LAMA2: variants seen among roughly 807,000 people sequenced by gnomAD.
LAMA2 encodes laminin subunit alpha 2.
In LAMA2, 269 loss-of-function variants were observed where a neutral mutation model predicts 364.8. The ratio of observed to expected loss-of-function variants is 0.74; its 90% CI spans 0.67 to 0.82. LAMA2 has a LOEUF of 0.82. LAMA2 is among the 40% of genes least tolerant of loss of function. The probability of loss-of-function intolerance (pLI) is 0.00; values close to 1 mark genes in which losing one functional copy is unlikely to be tolerated. For missense variants in LAMA2, 3,807 were observed against 3,873.2 expected (o/e 0.98, Z 0.45); for synonymous variants, 1,379 against 1,370.6 (o/e 1.01, Z -0.14).
chr6:128,896,027 A>T (rs1776749474), intron 1 of LAMA2, among the ~76,000 whole-genome samples: 1 of 152,064 alleles, frequency 6.6e-6, no homozygotes, highest in Non-Finnish European at 1.5e-5. Context: ...CCTTTGACCA[A>T]ATTTTTCACT....
At chr6:129,320,738 A>G (rs1774915049) in intron 28 of LAMA2, 83 bp downstream of exon 28, 20 of 765,036 alleles carry the variant, frequency 2.6e-5, no homozygotes, top group Non-Finnish European at 2.4e-6. Context: ...CCTTTACTGC[A>G]TACATATTCT....
intron 4 of LAMA2, among the ~76,000 whole-genome samples, chr6:129,136,064 C>T (rs1220777559): frequency 6.6e-6 from 1 of 151,688 alleles, no homozygotes; most frequent in Non-Finnish European, 1.5e-5. Flanking sequence ...GGGAAATTTG[C>T]ATTTAGTAAT....
intron 36 of LAMA2, 22 bp from the exon 37 acceptor site, chr6:129,393,023 A>G: frequency 1.2e-6 from 2 of 1,603,334 alleles, no homozygotes; most frequent in Non-Finnish European, 1.7e-6. Context: ...ATTGTCTATT[A>G]TTGGGCTGGG....
Position 129,305,747 on chromosome 6 carries a change from A to G in LAMA2, c.3174+4875A>G, listed in dbSNP as rs142278472. Among the ~76,000 whole-genome samples the G allele has an allele frequency of 2.1e-3, 322 of 151,820 alleles. 1 individual carries two copies. The highest frequency in any genetic ancestry group is 7.6e-3 in the African/African-American group (313 of 41,426). ...TTGAGGAGTTAAATCATTTCCACTTAATGTAAATATTGGTATGATTGGATT... is the reference window on the plus strand; with the variant it reads ...TTGAGGAGTTAAATCATTTCCACTTGATGTAAATATTGGTATGATTGGATT... On this transcript the variant is annotated intron_variant, in intron 22 of 64. Coordinates refer to ENST00000421865, the MANE Select transcript of LAMA2 (RefSeq NM_000426.4).
intron 62 of LAMA2, among the ~76,000 whole-genome samples, chr6:129,511,323 TCTC>T (rs1786554083): frequency 1.3e-5 from 2 of 152,080 alleles, no homozygotes; most frequent in Admixed American, 1.3e-4. Context: ...ATTCCTCTCT[TCTC>T]CTTACTTCTC....
chr6:129,443,178 C>T (rs982337381), intron 44 of LAMA2, 110 bp downstream of exon 44: 17 of 709,418 alleles, frequency 2.4e-5, no homozygotes, highest in African/African-American at 2.0e-4. Context: ...TTAAACATTG[C>T]GTAGCTATTC....
intron 29 of LAMA2, among the ~76,000 whole-genome samples, chr6:129,329,109 T>C: frequency 6.6e-6 from 1 of 152,282 alleles, no homozygotes; most frequent in South Asian, 2.1e-4. Flanking sequence ...GAAATTCAGG[T>C]TGCCCCTGTC....
chr6:129,349,844 A>G (rs962107120), intron 31 of LAMA2, among the ~76,000 whole-genome samples: 1 of 152,136 alleles, frequency 6.6e-6, no homozygotes, highest in African/African-American at 2.4e-5. Flanking sequence ...AACTCAAAAT[A>G]TAAATAGTAT....
At chr6:128,923,633 A>G (rs1024039122) in intron 1 of LAMA2, among the ~76,000 whole-genome samples, 5 of 152,236 alleles carry the variant, frequency 3.3e-5, no homozygotes, top group South Asian at 2.1e-4. Flanking sequence ...AGGAATAATA[A>G]TTTTTTTCCC....
At chr6:128,913,957 A>G (rs776411809) in intron 1 of LAMA2, among the ~76,000 whole-genome samples, 3 of 152,146 alleles carry the variant, frequency 2.0e-5, no homozygotes, top group Non-Finnish European at 2.9e-5. Context: ...TGCTGTGGGT[A>G]TAAGCACATG....
At chr6:129,192,348 T>A (rs1467944207) in intron 11 of LAMA2, among the ~76,000 whole-genome samples, 1 of 152,236 alleles carries the variant, frequency 6.6e-6, no homozygotes, top group Non-Finnish European at 1.5e-5. Context: ...GTTATAACCA[T>A]TGTATGACTT....
intron 12 of LAMA2, among the ~76,000 whole-genome samples, chr6:129,238,087 T>TG (rs1197705012): frequency 1.3e-5 from 2 of 151,334 alleles, no homozygotes; most frequent in East Asian, 3.9e-4. Context: ...ATCACTTAAT[T>TG]GCTTGAACCT....
chr6:129,109,311 C>A (rs1254686175), intron 4 of LAMA2, among the ~76,000 whole-genome samples: 2 of 152,076 alleles, frequency 1.3e-5, no homozygotes, highest in African/African-American at 4.8e-5. Flanking sequence ...CAAAGTACTG[C>A]AGAACTTCTC....
chr6:128,958,681 T>A (rs1400999659), intron 1 of LAMA2, among the ~76,000 whole-genome samples: 6 of 152,200 alleles, frequency 3.9e-5, no homozygotes, highest in Non-Finnish European at 8.8e-5. Context: ...TAGGTTGTAT[T>A]TTAAAGGAGA....
At chr6:129,350,090 T>C (rs1250180323) in intron 31 of LAMA2, among the ~76,000 whole-genome samples, 1 of 152,204 alleles carries the variant, frequency 6.6e-6, no homozygotes, top group Non-Finnish European at 1.5e-5. Flanking sequence ...AGATATATAT[T>C]TTCTGTAAGA....
chr6:129,181,734 G>C (rs1780940177), intron 10 of LAMA2, among the ~76,000 whole-genome samples: 1 of 151,792 alleles, frequency 6.6e-6, no homozygotes, highest in African/African-American at 2.4e-5. Context: ...AAGTTTAGCA[G>C]AAGTTGCCAA....
At chr6:129,010,110 G>C (rs1784672400) in intron 1 of LAMA2, among the ~76,000 whole-genome samples, 1 of 152,176 alleles carries the variant, frequency 6.6e-6, no homozygotes, top group African/African-American at 2.4e-5. Flanking sequence ...ATCAGATTTA[G>C]ACTGGCTACT....
chr6:129,139,196 T>A (rs376428165), intron 4 of LAMA2, among the ~76,000 whole-genome samples: 1 of 152,214 alleles, frequency 6.6e-6, no homozygotes, highest in South Asian at 2.1e-4. Flanking sequence ...TCAGAGCCTT[T>A]ACTCTGTGCT....
At chr6:129,499,577 C>T (rs947859839) in intron 58 of LAMA2, among the ~76,000 whole-genome samples, 2 of 152,120 alleles carry the variant, frequency 1.3e-5, no homozygotes, top group African/African-American at 4.8e-5. Context: ...CTCACTTGTT[C>T]CCCCTTTAAA....
Sources: gnomAD v4.1 joint callset for allele counts (sites outside exome capture counted in the v4.1 genomes callset) on GRCh38, gnomAD v4.1.1 for gene constraint, MANE v1.5 for transcripts, NCBI Gene and HGNC (gene_info 2026-07-23, HGNC 2026-07-21) for gene names.